The following ANKRD30BL variants were observed in gnomAD, a reference collection of about 807,000 sequenced individuals.
The protein encoded by ANKRD30BL is putative ankyrin repeat domain-containing protein 30B-like.
Under a neutral mutation model 18.4 loss-of-function variants are expected in ANKRD30BL, and 20 were observed. That is an observed-to-expected ratio of 1.09 (90% CI 0.77 to 1.58). ANKRD30BL has a LOEUF of 1.58. Among genes scored for constraint, ANKRD30BL ranks in the 40% most tolerant of loss-of-function variants. The pLI is 0.00. For missense variants in ANKRD30BL, 224 were observed against 268.6 expected, an observed-to-expected ratio of 0.83 and a Z score of 1.16; for synonymous variants, 72 against 100.9, an observed-to-expected ratio of 0.71 and a Z score of 1.72.
intron 1 of ANKRD30BL, among the ~76,000 whole-genome samples, chr2:132,234,602 C>T (rs201582126): frequency 1.3e-5 from 2 of 151,982 alleles, no homozygotes; most frequent in African/African-American, 2.4e-5. Flanking sequence ...ATGGATAAAT[C>T]CCTTGACACA....
At chr2:132,221,983 G>A (rs1296304579) in intron 1 of ANKRD30BL, among the ~76,000 whole-genome samples, 39 of 129,452 alleles carry the variant, frequency 3.0e-4, no homozygotes, top group East Asian at 4.9e-4. Context: ...CTGCCTGGCC[G>A]CCCCTACTGG....
chr2:132,198,644 T>G (rs556802766), intron 1 of ANKRD30BL, among the ~76,000 whole-genome samples: 56 of 148,892 alleles, frequency 3.8e-4, no homozygotes, highest in Non-Finnish European at 7.0e-4. Context: ...TTTTAGACAG[T>G]TTTTGCTCTG....
At chr2:132,204,554 G>T (rs1217063988) in intron 1 of ANKRD30BL, among the ~76,000 whole-genome samples, 1 of 151,636 alleles carries the variant, frequency 6.6e-6, no homozygotes. Flanking sequence ...GATGCAGTTA[G>T]AAGAAAAAGT....
chr2:132,200,827 G>T (rs370407133), intron 1 of ANKRD30BL, among the ~76,000 whole-genome samples: 2 of 152,034 alleles, frequency 1.3e-5, no homozygotes, highest in Non-Finnish European at 2.9e-5. Flanking sequence ...AAAAGAGCCC[G>T]CATCGCCAAG....
chr2:132,207,225 G>A (rs1679228394), intron 1 of ANKRD30BL, among the ~76,000 whole-genome samples: 1 of 152,158 alleles, frequency 6.6e-6, no homozygotes, highest in Non-Finnish European at 1.5e-5. Context: ...ACAAGACTGT[G>A]TGTTTAAAAT....
intron 1 of ANKRD30BL, among the ~76,000 whole-genome samples, chr2:132,240,233 T>C (rs926626730): frequency 1.2e-4 from 18 of 151,288 alleles, no homozygotes; most frequent in African/African-American, 4.4e-4. Context: ...CCTTTCCTTA[T>C]ATAGAGCAGA....
intron 1 of ANKRD30BL, among the ~76,000 whole-genome samples, chr2:132,245,421 T>C (rs1680469486): frequency 7.0e-5 from 1 of 14,284 alleles, no homozygotes; most frequent in Non-Finnish European, 1.6e-4. Flanking sequence ...CTTTGAGGCC[T>C]ATGGAGAAAA....
chr2:132,181,762 T>C (rs1465280763), intron 1 of ANKRD30BL, among the ~76,000 whole-genome samples: 1 of 152,088 alleles, frequency 6.6e-6, no homozygotes, highest in African/African-American at 2.4e-5. Flanking sequence ...AAGGGAAAAA[T>C]AGTAGACCTT....
chr2:132,158,145 G>A (rs1687962008), intron 1 of ANKRD30BL, among the ~76,000 whole-genome samples: 1 of 152,106 alleles, frequency 6.6e-6, no homozygotes, highest in South Asian at 2.1e-4. Context: ...CAGGATGATG[G>A]CAGTCTTAGT....
intron 1 of ANKRD30BL, among the ~76,000 whole-genome samples, chr2:132,224,509 TTC>T (rs1679788595): frequency 6.6e-6 from 1 of 151,828 alleles, no homozygotes; most frequent in Admixed American, 6.6e-5. Flanking sequence ...TCTCAGAAAC[TTC>T]TTTGTGATGT....
chr2:132,248,445 T>G (rs1680560216), intron 1 of ANKRD30BL, among the ~76,000 whole-genome samples: 1 of 152,102 alleles, frequency 6.6e-6, no homozygotes, highest in African/African-American at 2.4e-5. Context: ...GTGAAGATAT[T>G]TCCTTTTTCA....
chr2:132,160,662 T>G (rs373014179), intron 1 of ANKRD30BL, among the ~76,000 whole-genome samples: 2 of 150,480 alleles, frequency 1.3e-5, no homozygotes, highest in Non-Finnish European at 3.0e-5. Flanking sequence ...TCTCCTGACC[T>G]CATGATCCAC....
upstream of ANKRD30BL, among the ~76,000 whole-genome samples, chr2:132,166,499 T>A (rs1376412603): frequency 2.0e-5 from 3 of 152,286 alleles, no homozygotes; most frequent in African/African-American, 7.2e-5. Context: ...ACTCATGTTA[T>A]CTATTTTTTC....
upstream of ANKRD30BL, among the ~76,000 whole-genome samples, chr2:132,165,044 A>G (rs1688160815): frequency 6.6e-6 from 1 of 152,144 alleles, no homozygotes; most frequent in South Asian, 2.1e-4. Flanking sequence ...ACTGCACTCC[A>G]GCCTGGGCGA....
intron 1 of ANKRD30BL, among the ~76,000 whole-genome samples, chr2:132,170,304 A>C (rs2104940528): frequency 6.6e-6 from 1 of 152,294 alleles, no homozygotes; most frequent in South Asian, 2.1e-4. Flanking sequence ...GAAAAATGGA[A>C]TTTATTGGGC....
chr2:132,167,763 TTTAAA>T (rs1326214021), intron 1 of ANKRD30BL, among the ~76,000 whole-genome samples: 1 of 152,222 alleles, frequency 6.6e-6, no homozygotes, highest in Non-Finnish European at 1.5e-5. Context: ...TAAGTCTATC[TTTAAA>T]TTAATTAGAA....
At position 132,247,325 on chromosome 2, in the gene ANKRD30BL, A is replaced by G. The variant is rs552931631; in HGVS notation, n.441+10204T>C. Among the ~76,000 whole-genome samples the G allele has an allele frequency of 2.0e-5, 3 of 152,040 alleles. No individual in the cohort carries two copies. The South Asian group carries it at 6.2e-4, about 31-fold the overall frequency. ...ATGGTCAAAAAGGAAATATCTTCACATAAAAACTAGAGAGAAGCATTCTCA... is the reference window on the plus strand; with the variant it reads ...ATGGTCAAAAAGGAAATATCTTCACGTAAAAACTAGAGAGAAGCATTCTCA... On this transcript the variant is annotated intron_variant and non_coding_transcript_variant, in intron 1 of 4. Coordinates refer to the ANKRD30BL transcript ENST00000470729.
intron 1 of ANKRD30BL, among the ~76,000 whole-genome samples, chr2:132,186,487 C>T (rs538933122): frequency 6.6e-6 from 1 of 152,160 alleles, no homozygotes; most frequent in African/African-American, 2.4e-5. Flanking sequence ...TAAAATTCTG[C>T]CCATTTTGGT....
intron 1 of ANKRD30BL, among the ~76,000 whole-genome samples, chr2:132,186,064 C>G (rs934780838): frequency 6.6e-6 from 1 of 151,314 alleles, no homozygotes; most frequent in Non-Finnish European, 1.5e-5. Flanking sequence ...CCACCTGAAC[C>G]TGGGAGGCAG....
Sources: allele counts gnomAD v4.1 joint callset (sites outside exome capture counted in the v4.1 genomes callset), GRCh38; gene constraint gnomAD v4.1.1; transcripts MANE v1.5; gene names NCBI Gene and HGNC (gene_info 2026-07-23, HGNC 2026-07-21).